Variants in DAAM1 observed in about 807,000 individuals in gnomAD.
DAAM1 encodes disheveled-associated activator of morphogenesis 1.
In DAAM1, 52 loss-of-function variants were observed where a neutral mutation model predicts 130.0. The observed-to-expected ratio is 0.40, with a 90% confidence interval of 0.32 to 0.50. DAAM1 has a LOEUF of 0.50. Among genes scored for constraint, DAAM1 ranks in the 20% least tolerant of loss-of-function variants. DAAM1 has a pLI of 0.61. For missense variants in DAAM1, 1,134 were observed against 1,303.8 expected (o/e 0.87, Z 2.01); for synonymous variants, 452 against 444.5 (o/e 1.02, Z -0.21).
chr14:59,360,296 G>A (rs1460531259), intron 21 of DAAM1, among the ~76,000 whole-genome samples: 1 of 152,142 alleles, frequency 6.6e-6, no homozygotes, highest in Non-Finnish European at 1.5e-5. Context: ...ATAAAAACTA[G>A]TTAATACAAC....
At chr14:59,292,534 T>C (rs961113109) in intron 3 of DAAM1, among the ~76,000 whole-genome samples, 4 of 152,238 alleles carry the variant, frequency 2.6e-5, no homozygotes, top group Non-Finnish European at 5.9e-5. Context: ...AGAGGCACCA[T>C]GTCTTATCCA....
intron 24 of DAAM1, 36 bp downstream of exon 24, chr14:59,367,635 A>G: frequency 6.3e-7 from 1 of 1,597,782 alleles, no homozygotes; most frequent in Non-Finnish European, 8.5e-7. Context: ...TCCACCTCCT[A>G]GAAGTTCTAT....
intron 12 of DAAM1, among the ~76,000 whole-genome samples, chr14:59,328,758 T>A (rs953915320): frequency 1.3e-5 from 2 of 152,162 alleles, no homozygotes; most frequent in Non-Finnish European, 2.9e-5. Context: ...GTTGCAGGAT[T>A]TAGGTGGCTG....
chr14:59,326,171 GCACAC>G, intron 10 of DAAM1, 94 bp downstream of exon 10: 1 of 1,164,958 alleles, frequency 8.6e-7, no homozygotes, highest in Non-Finnish European at 1.3e-6. Context: ...TACATTGGGT[GCACAC>G]CAGGGATTCC....
At chr14:59,226,044 T>C (rs1471101013) in intron 1 of DAAM1, among the ~76,000 whole-genome samples, 1 of 152,130 alleles carries the variant, frequency 6.6e-6, no homozygotes, top group Non-Finnish European at 1.5e-5. Context: ...TGTGTTTCAG[T>C]TGCCTGATGA....
chr14:59,195,440 G>T (rs943280513), intron 1 of DAAM1, among the ~76,000 whole-genome samples: 1 of 152,134 alleles, frequency 6.6e-6, no homozygotes, highest in Non-Finnish European at 1.5e-5. Context: ...ACCGCGCCTG[G>T]CCTCATCTTG....
chr14:59,327,061 G>A, intron 12 of DAAM1, 70 bp downstream of exon 12: 1 of 1,559,586 alleles, frequency 6.4e-7, no homozygotes, highest in Non-Finnish European at 8.8e-7. Flanking sequence ...CATATATTTT[G>A]GAAATTTACA....
At chr14:59,325,526 T>A in intron 8 of DAAM1, 138 bp from the exon 9 acceptor site, 1 of 721,638 alleles carries the variant, frequency 1.4e-6, no homozygotes, top group Non-Finnish European at 2.2e-6. Context: ...AAGTTGAAGC[T>A]TTCAAATTTT....
chr14:59,329,916 T>C (rs1176762628), intron 12 of DAAM1, among the ~76,000 whole-genome samples: 1 of 152,244 alleles, frequency 6.6e-6, no homozygotes. Flanking sequence ...AATTGTTTAC[T>C]GAAAGCATAA....
rs557096733 is a variant in DAAM1, at chr14:59,340,472, T to C, written c.2075+292T>C. ...AAGCCTGTAACATCGACTTGACTTT[T>C]ATTTACACTTCTTGGCCTTAGAGAT... On this transcript the variant is annotated intron_variant, in intron 16 of 24. Coordinates refer to ENST00000360909, the MANE Select transcript of DAAM1 (RefSeq NM_001270520.2). Among the ~76,000 whole-genome samples, 110 of 152,300 alleles carry C rather than the reference T, an allele frequency of 7.2e-4. 3 individuals carry two copies. The South Asian group carries it at 0.021, about 29-fold the overall frequency.
chr14:59,247,493 C>T (rs1881440788), intron 1 of DAAM1, among the ~76,000 whole-genome samples: 1 of 152,144 alleles, frequency 6.6e-6, no homozygotes, highest in Non-Finnish European at 1.5e-5. Context: ...GTCATCGTAA[C>T]AATATTGTCT....
At position 59,339,622 on chromosome 14, in the gene DAAM1, G is replaced by A. The variant is rs374674333; in HGVS notation, c.1969-452G>A. ...ATGAAGATGTTTGGGAGGTTTTATC[G>A]TTTAGCTTTTTTGAGTGCTCACAAT... On this transcript the variant is annotated intron_variant, in intron 15 of 24. Transcript: ENST00000360909. 1.1e-3 allele frequency among the ~76,000 whole-genome samples: 167 copies of A among 152,272 alleles called. 2 individuals are homozygous for A. The highest frequency in any genetic ancestry group is 3.8e-3 in the African/African-American group (158 of 41,556).
intron 21 of DAAM1, among the ~76,000 whole-genome samples, chr14:59,360,351 T>C (rs1886655532): frequency 6.6e-6 from 1 of 152,254 alleles, no homozygotes; most frequent in East Asian, 1.9e-4. Context: ...CATTACCTTG[T>C]AATAGTCATA....
chr14:59,301,470 C>G (rs1487890664), intron 3 of DAAM1, among the ~76,000 whole-genome samples: 1 of 152,030 alleles, frequency 6.6e-6, no homozygotes, highest in Non-Finnish European at 1.5e-5. Context: ...TCATCTAGAC[C>G]TGTTTGCACC....
chr14:59,323,078 T>G lies in DAAM1; in HGVS notation c.627T>G (p.Ala209=). 6.2e-7 allele frequency: 1 copy of G among 1,613,836 alleles called. No individual in the cohort carries two copies. The highest frequency in any genetic ancestry group is 8.5e-7 in the Non-Finnish European group (1 of 1,179,882). ...ATTCTGAGAGTATTAATGTAATTGC[T>G]CAGAGTCTGAGCACAGAGAACATTA... The part of the protein sequence containing the change: ...LAHSESINVI[A]QSLSTENIKT... Residue 209 remains alanine, a synonymous_variant, in exon 6 of 25, where the codon GCT becomes GCG. Coordinates refer to ENST00000360909, the MANE Select transcript of DAAM1 (RefSeq NM_001270520.2).
intron 23 of DAAM1, among the ~76,000 whole-genome samples, chr14:59,365,078 T>TTGTTCATCACA: frequency 6.6e-6 from 1 of 150,784 alleles, no homozygotes; most frequent in Middle Eastern, 3.4e-3. Context: ...TGTTGTCAGC[T>TTGTTCATCACA]TGTTCATCAC....
intron 2 of DAAM1, among the ~76,000 whole-genome samples, chr14:59,287,492 T>C (rs1883513908): frequency 6.6e-6 from 1 of 152,216 alleles, no homozygotes; most frequent in African/African-American, 2.4e-5. Flanking sequence ...AGTCAAACTG[T>C]GTCTCTTTAT....
intron 2 of DAAM1, among the ~76,000 whole-genome samples, chr14:59,283,977 G>A (rs61986056): frequency 0.065 from 9,877 of 152,186 alleles, 417 homozygotes; most frequent in Non-Finnish European, 0.097. Context: ...TCTAAAATGT[G>A]GTCTTAGGAC....
intron 1 of DAAM1, among the ~76,000 whole-genome samples, chr14:59,238,735 A>C (rs1377326086): frequency 6.6e-6 from 1 of 152,178 alleles, no homozygotes; most frequent in Non-Finnish European, 1.5e-5. Flanking sequence ...ACCTAATGAA[A>C]CACTATAATA....
Sources: allele counts gnomAD v4.1 joint callset (sites outside exome capture counted in the v4.1 genomes callset), GRCh38; gene constraint gnomAD v4.1.1; transcripts MANE v1.5; gene names NCBI Gene and HGNC (gene_info 2026-07-23, HGNC 2026-07-21).